JPH3: variants seen among roughly 807,000 people sequenced by gnomAD.
JPH3 encodes the protein junctophilin-3.
Under a neutral mutation model 59.6 loss-of-function variants are expected in JPH3, and 11 were observed. The ratio of observed to expected loss-of-function variants is 0.18; its 90% CI spans 0.12 to 0.31. The LOEUF (loss-of-function observed/expected upper bound fraction) is 0.31. JPH3 is among the 10% of genes least tolerant of loss of function. The pLI is 1.00. For synonymous variants in JPH3, 673 were observed against 483.6 expected, an observed-to-expected ratio of 1.39 and a Z score of -5.14; for missense variants, 1,202 against 1,105.7, an observed-to-expected ratio of 1.09 and a Z score of -1.24.
chr16:87,663,198 T>A (rs2032760339), intron 2 of JPH3, among the ~76,000 whole-genome samples: 1 of 150,920 alleles, frequency 6.6e-6, no homozygotes, highest in Non-Finnish European at 1.5e-5. Context: ...AACTTCCGCC[T>A]CCCAGGTTCA....
At chr16:87,691,651 G>A (rs1250407134) in intron 4 of JPH3, among the ~76,000 whole-genome samples, 1 of 152,140 alleles carries the variant, frequency 6.6e-6, no homozygotes, top group African/African-American at 2.4e-5. Flanking sequence ...GAAGGGGCAC[G>A]TCCTGCCGGG....
At chr16:87,626,584 G>C (rs918438694) in intron 1 of JPH3, among the ~76,000 whole-genome samples, 7 of 152,228 alleles carry the variant, frequency 4.6e-5, no homozygotes, top group African/African-American at 1.4e-4. Flanking sequence ...TGAGCCCGGT[G>C]CTCCAAGCCA....
intron 1 of JPH3, among the ~76,000 whole-genome samples, chr16:87,638,197 G>A (rs934265388): frequency 1.3e-5 from 2 of 152,158 alleles, no homozygotes; most frequent in Non-Finnish European, 2.9e-5. Context: ...GAGATTATAG[G>A]CATGAGCCAC....
rs777279815 is a variant in JPH3, at chr16:87,696,752, C to T, written c.*92C>T. On this transcript the variant is annotated 3_prime_UTR_variant, in exon 5 of 5. Coordinates refer to ENST00000284262, the MANE Select transcript of JPH3 (RefSeq NM_020655.4). Reference sequence around the variant, plus strand: ...CCACAAGAAGGGAAAGACCGCAACTCGGACAGCCCAGCGACTTCCAAGTCC... The same window carrying T: ...CCACAAGAAGGGAAAGACCGCAACTTGGACAGCCCAGCGACTTCCAAGTCC... 1.2e-5 allele frequency: 12 copies of T among 1,029,758 alleles called. No homozygotes were observed. Among genetic ancestry groups the T allele is most frequent in the African/African-American group, 6.3e-5 (4 of 63,662 alleles). The allele number at this position is 1,029,758 out of a possible 1,614,324, so 63.8% of individuals were successfully genotyped here.
At chr16:87,672,342 C>G (rs936087373) in intron 2 of JPH3, among the ~76,000 whole-genome samples, 1 of 152,228 alleles carries the variant, frequency 6.6e-6, no homozygotes, top group African/African-American at 2.4e-5. Context: ...TAACGGGCTT[C>G]TCTCTGGCCT....
rs1039600193 is a variant in JPH3, at chr16:87,698,049, T to G, written c.*1389T>G. 6.6e-6 allele frequency: 1 copy of G among 152,660 alleles called. No individual in the cohort carries two copies. Among genetic ancestry groups the G allele is most frequent in the Non-Finnish European group, 1.5e-5 (1 of 68,052 alleles). 9.5% of individuals were successfully genotyped at this position (152,660 alleles called of 1,614,324 possible). ...GGACTCTGCCTTGCTTTGCTTATGT[T>G]TAGCTGTTTCTCTGCTACCTTTCGA... On this transcript the variant is annotated 3_prime_UTR_variant, in exon 5 of 5. Coordinates refer to ENST00000284262, the MANE Select transcript of JPH3 (RefSeq NM_020655.4).
chr16:87,645,450 G>C (rs572786859), intron 2 of JPH3, among the ~76,000 whole-genome samples: 2 of 152,346 alleles, frequency 1.3e-5, no homozygotes, highest in South Asian at 2.1e-4. Flanking sequence ...AGGGCTGTGG[G>C]AGGTGGCTAG....
At chr16:87,673,032 G>A (rs1478892029) in intron 2 of JPH3, among the ~76,000 whole-genome samples, 1 of 152,108 alleles carries the variant, frequency 6.6e-6, no homozygotes, top group Non-Finnish European at 1.5e-5. Context: ...CGTAATCCCG[G>A]CTACTTGGGA....
chr16:87,663,007 G>A (rs1311281635), intron 2 of JPH3, among the ~76,000 whole-genome samples: 1 of 152,194 alleles, frequency 6.6e-6, no homozygotes, highest in Non-Finnish European at 1.5e-5. Context: ...GCACCAGCCT[G>A]TCTCTTTGGA....
In JPH3 at chr16:87,690,125, C is replaced by G; in HGVS notation, c.1765C>G (p.Arg589Gly). ...PPVFTWTSHH[R>G]ASNHSPGGSR... ...CGTGTTCACGTGGACTTCCCACCACCGGGCCAGCAACCACAGCCCCGGAGG... is the reference window on the plus strand; with the variant it reads ...CGTGTTCACGTGGACTTCCCACCACGGGGCCAGCAACCACAGCCCCGGAGG... The change falls in exon 4 of 5, where the codon CGG (arginine) becomes GGG (glycine). Residue 589 changes from arginine (R) to glycine (G), a missense_variant. Coordinates refer to ENST00000284262, the MANE Select transcript of JPH3 (RefSeq NM_020655.4). 6.3e-7 allele frequency: 1 copy of G among 1,588,108 alleles called. No homozygotes were observed. Among genetic ancestry groups the G allele is most frequent in the South Asian group, 1.1e-5 (1 of 87,502 alleles).
At position 87,696,702 on chromosome 16, in the gene JPH3, A is replaced by G. The variant is rs550162567; in HGVS notation, c.*42A>G. On this transcript the variant is annotated 3_prime_UTR_variant, in exon 5 of 5. Transcript: ENST00000284262. ...CAAAAATAGAGAAAGGGTAGAAAAA[A>G]GGGACATTAAAATTAAAAGCAAAAC... The G allele has an allele frequency of 4.6e-6, 7 of 1,520,224 alleles. No individual in the cohort carries two copies. The highest frequency in any genetic ancestry group is 3.3e-5 in the Admixed American group (2 of 59,802). The allele number at this position is 1,520,224 out of a possible 1,614,324, so 94.2% of individuals were successfully genotyped here. A position where few individuals can be genotyped will look rare whatever the true frequency, so the allele number is the denominator to read the frequency against.
At chr16:87,629,141 G>A (rs1476850030) in intron 1 of JPH3, among the ~76,000 whole-genome samples, 4 of 152,050 alleles carry the variant, frequency 2.6e-5, no homozygotes, top group African/African-American at 9.7e-5. Context: ...GAGCCTCTGT[G>A]TGTCATGGGG....
At chr16:87,617,683 T>C (rs2031022394) in intron 1 of JPH3, among the ~76,000 whole-genome samples, 1 of 152,056 alleles carries the variant, frequency 6.6e-6, no homozygotes, top group African/African-American at 2.4e-5. Context: ...AGTCTGGGAC[T>C]GGGTGGTCCT....
intron 3 of JPH3, among the ~76,000 whole-genome samples, chr16:87,687,516 C>A (rs2142829662): frequency 6.6e-6 from 1 of 152,314 alleles, no homozygotes; most frequent in East Asian, 1.9e-4. Flanking sequence ...CATGAAGGAG[C>A]CTGGCCATGC....
At chr16:87,660,856 G>A (rs768613947) in intron 2 of JPH3, among the ~76,000 whole-genome samples, 1 of 152,188 alleles carries the variant, frequency 6.6e-6, no homozygotes, top group Non-Finnish European at 1.5e-5. Flanking sequence ...ACACATCCAA[G>A]TGGATCTCTC....
rs971643181 is a variant in JPH3, at chr16:87,692,693, C to T, written c.2166+2167C>T. ...GGATGGAAGCACAGGTTCTCCCTAC[C>T]GCTCTACTGGTGAAGGAACTCTGGC... On this transcript the variant is annotated intron_variant, in intron 4 of 4. Transcript: ENST00000284262. Among the ~76,000 whole-genome samples, 10 of 152,218 alleles carry T rather than the reference C, an allele frequency of 6.6e-5. No homozygotes were observed. In the South Asian group the frequency reaches 8.3e-4, roughly 13 times the overall value.
intron 2 of JPH3, among the ~76,000 whole-genome samples, chr16:87,663,080 T>C (rs2032755813): frequency 6.6e-6 from 1 of 152,050 alleles, no homozygotes; most frequent in Non-Finnish European, 1.5e-5. Context: ...GGGCTACAGA[T>C]TTCCTGGTTG....
Position 87,605,558 on chromosome 16 carries a change from G to A in JPH3, c.382+2030G>A, listed in dbSNP as rs556134601. 5.3e-5 allele frequency among the ~76,000 whole-genome samples: 8 copies of A among 152,342 alleles called. No individual in the cohort carries two copies. The South Asian group carries it at 8.3e-4, about 16-fold the overall frequency. On this transcript the variant is annotated intron_variant, in intron 1 of 4. Coordinates refer to ENST00000284262, the MANE Select transcript of JPH3 (RefSeq NM_020655.4). ...AAAGGATCTGATTCTGTGGCTGGCC[G>A]TGTAGTTTAGGATCTGACGGGTTAA... is the stretch of plus-strand genomic sequence containing the variant.
intron 1 of JPH3, among the ~76,000 whole-genome samples, chr16:87,640,637 C>T (rs991225482): frequency 6.6e-6 from 1 of 152,134 alleles, no homozygotes; most frequent in Non-Finnish European, 1.5e-5. Context: ...AGGTGATCTG[C>T]TCGCCTCGGC....
Sources: gnomAD v4.1 joint callset for allele counts (sites outside exome capture counted in the v4.1 genomes callset) on GRCh38, gnomAD v4.1.1 for gene constraint, MANE v1.5 for transcripts, NCBI Gene and HGNC (gene_info 2026-07-23, HGNC 2026-07-21) for gene names.